DDX6: variants seen among roughly 807,000 people sequenced by gnomAD.
DDX6 encodes probable ATP-dependent RNA helicase DDX6.
A neutral mutation model predicts 60.6 loss-of-function variants in DDX6; 7 were observed. The observed-to-expected ratio is 0.12, with a 90% confidence interval of 0.07 to 0.22. DDX6 has a LOEUF of 0.22. Among genes scored for constraint, DDX6 ranks in the 10% least tolerant of loss-of-function variants. The probability of loss-of-function intolerance (pLI) is 1.00; values close to 1 mark genes in which losing one functional copy is unlikely to be tolerated. For missense variants in DDX6, 270 were observed against 589.9 expected (o/e 0.46, Z 5.62); for synonymous variants, 207 against 201.0 (o/e 1.03, Z -0.25).
rs1860669116 is a variant in DDX6 at position 118,749,347 on chromosome 11, C to CG, written c.*2757_*2758insC. 2 of 21,946 alleles carry CG rather than the reference C, an allele frequency of 9.1e-5. No homozygotes were observed. The highest frequency in any genetic ancestry group is 1.4e-3 in the East Asian group (2 of 1,428). 1.4% of individuals were successfully genotyped at this position (21,946 alleles called of 1,614,324 possible). A position where few individuals can be genotyped will look rare whatever the true frequency, so the allele number is the denominator to read the frequency against. On this transcript the variant is annotated 3_prime_UTR_variant, in exon 14 of 14. Transcript: ENST00000534980. ...AGTAACAATGCTTATTATGAGGGCCCAAAAAAGAAAGAAAAAAAAAAAAAA... is the reference window on the plus strand; with the variant it reads ...AGTAACAATGCTTATTATGAGGGCCCGAAAAAAGAAAGAAAAAAAAAAAAAA...
At chr11:118,790,698 G>C (rs978723579) in intron 1 of DDX6, among the ~76,000 whole-genome samples, 1 of 151,842 alleles carries the variant, frequency 6.6e-6, no homozygotes, top group South Asian at 2.1e-4. Flanking sequence ...TCCTATATTC[G>C]CCTCCTCTCA....
intron 1 of DDX6, chr11:118,787,485 AAG>A (rs1862114138): frequency 3.9e-5 from 1 of 25,336 alleles, no homozygotes; most frequent in Admixed American, 4.3e-4. Flanking sequence ...AAAAACAAAC[AAG>A]AAAAAAAAAA....
intron 4 of DDX6, among the ~76,000 whole-genome samples, chr11:118,774,483 T>G (rs1249789709): frequency 1.3e-5 from 2 of 150,790 alleles, no homozygotes; most frequent in African/African-American, 4.9e-5. Context: ...TTTTTTTTTT[T>G]TGTGAGACAG....
At chr11:118,768,987 CAAAAA>C (rs782136763) in intron 4 of DDX6, among the ~76,000 whole-genome samples, 3 of 39,984 alleles carry the variant, frequency 7.5e-5, no homozygotes, top group South Asian at 1.3e-3. Context: ...CGTCTCATCT[CAAAAA>C]AAAAAAAAAA....
intron 3 of DDX6, among the ~76,000 whole-genome samples, chr11:118,780,172 T>C (rs1555164412): frequency 1.3e-5 from 2 of 150,488 alleles, no homozygotes; most frequent in African/African-American, 4.9e-5. Context: ...TTTAGTACTT[T>C]ACCTGCCCAA....
At chr11:118,757,698 C>T (rs1861025535) in intron 9 of DDX6, among the ~76,000 whole-genome samples, 1 of 152,048 alleles carries the variant, frequency 6.6e-6, no homozygotes, top group African/African-American at 2.4e-5. Context: ...TCAAACAATT[C>T]TCCAGCCTCA....
chr11:118,765,173 A>T, intron 6 of DDX6, 36 bp downstream of exon 6: 10 of 1,596,344 alleles, frequency 6.3e-6, no homozygotes, highest in Non-Finnish European at 8.6e-6. Context: ...CTAAAATAAC[A>T]GAGAGCTACA....
rs1329443771 is a variant in DDX6, at chr11:118,750,383, G to A, written c.*1722C>T. ...CAACACTATTGACTGTAAAGCATCT[G>A]CCAGCAATTTACAGTGCAAAATGAC... is the stretch of plus-strand genomic sequence containing the variant. On this transcript the variant is annotated 3_prime_UTR_variant, in exon 14 of 14. Transcript: ENST00000534980. 6.6e-6 allele frequency: 1 copy of A among 152,142 alleles called. No homozygotes were observed. Among genetic ancestry groups the A allele is most frequent in the African/African-American group, 2.4e-5 (1 of 41,428 alleles). The allele number at this position is 152,142 out of a possible 1,614,324, so 9.4% of individuals were successfully genotyped here.
chr11:118,755,804 A>C (rs1555158669), intron 11 of DDX6, among the ~76,000 whole-genome samples: 2 of 151,888 alleles, frequency 1.3e-5, no homozygotes, highest in African/African-American at 4.8e-5. Context: ...ACCTGAGGTC[A>C]GGAGTTCGAG....
chr11:118,771,903 T>G (rs1203633606), intron 4 of DDX6, among the ~76,000 whole-genome samples: 2 of 152,204 alleles, frequency 1.3e-5, no homozygotes, highest in Non-Finnish European at 2.9e-5. Context: ...TAAAAAGAGT[T>G]ACCATATGAA....
intron 12 of DDX6, among the ~76,000 whole-genome samples, 179 bp from the exon 13 acceptor site, chr11:118,755,066 G>T (rs1264305046): frequency 6.6e-6 from 1 of 152,000 alleles, no homozygotes; most frequent in African/African-American, 2.4e-5. Context: ...TTCAGGTTTC[G>T]CAGCCCAAAA....
intron 4 of DDX6, 43 bp downstream of exon 4, chr11:118,779,589 T>C (rs1555164254): frequency 4.5e-6 from 6 of 1,322,624 alleles, no homozygotes; most frequent in Non-Finnish European, 5.3e-6. Flanking sequence ...TGTTTAATGG[T>C]TGACACATAA....
chr11:118,756,690 G>C (rs1860989460), intron 10 of DDX6, among the ~76,000 whole-genome samples: 1 of 152,168 alleles, frequency 6.6e-6, no homozygotes, highest in South Asian at 2.1e-4. Flanking sequence ...GTGCTGTCCA[G>C]TAAAACTTCT....
chr11:118,761,193 T>C (rs1369923979), intron 7 of DDX6, among the ~76,000 whole-genome samples: 4 of 152,154 alleles, frequency 2.6e-5, no homozygotes, highest in African/African-American at 9.7e-5. Context: ...TCTTGCCTCC[T>C]TCATTTCTCA....
intron 2 of DDX6, among the ~76,000 whole-genome samples, chr11:118,782,826 G>C (rs1555164928): frequency 6.6e-6 from 1 of 152,052 alleles, no homozygotes; most frequent in African/African-American, 2.4e-5. Flanking sequence ...TGTATTTTTA[G>C]TAGAGACGGG....
chr11:118,751,964 A>AAAAAG lies in DDX6; in HGVS notation c.*136_*140dup, dbSNP rs1860788617. On this transcript the variant is annotated 3_prime_UTR_variant, in exon 14 of 14. Transcript: ENST00000534980. ...CAGCCTTTTTCTCTTCACCAGTTAA[A>AAAAAG]AAAAGAAAATGTCTGAGCTCTTTTA... The AAAAAG allele has an allele frequency of 2.5e-6, 1 of 397,998 alleles. No homozygotes were observed. Among genetic ancestry groups the AAAAAG allele is most frequent in the Admixed American group, 3.3e-5 (1 of 30,536 alleles). 24.7% of individuals were successfully genotyped at this position (397,998 alleles called of 1,614,324 possible).
intron 8 of DDX6, 92 bp downstream of exon 8, chr11:118,759,830 G>C (rs1861106342): frequency 7.4e-7 from 1 of 1,356,504 alleles, no homozygotes; most frequent in Non-Finnish European, 9.9e-7. Flanking sequence ...TTAGCATAAA[G>C]TATATTCACA....
chr11:118,760,095 G>C (rs930194503), intron 7 of DDX6, 51 bp from the exon 8 acceptor site: 10 of 1,553,686 alleles, frequency 6.4e-6, no homozygotes, highest in Non-Finnish European at 8.7e-6. Context: ...AATGTCTAAG[G>C]TCTTGGTTAA....
intron 1 of DDX6, chr11:118,787,618 GAC>G (rs1370191210): frequency 1.3e-5 from 2 of 152,164 alleles, no homozygotes; most frequent in Non-Finnish European, 2.9e-5. Context: ...TGAGCCAGGT[GAC>G]AGAGACCTTG....
Sources: gnomAD v4.1 joint callset for allele counts (sites outside exome capture counted in the v4.1 genomes callset) on GRCh38, gnomAD v4.1.1 for gene constraint, MANE v1.5 for transcripts, NCBI Gene and HGNC (gene_info 2026-07-23, HGNC 2026-07-21) for gene names.